PCMTD1: variants seen among roughly 807,000 people sequenced by gnomAD.
PCMTD1 encodes protein-L-isoaspartate O-methyltransferase domain-containing protein 1.
A neutral mutation model predicts 37.6 loss-of-function variants in PCMTD1; 12 were observed. The observed-to-expected ratio is 0.32, with a 90% confidence interval of 0.20 to 0.52. The LOEUF is 0.52. Among genes scored for constraint, PCMTD1 ranks in the 20% least tolerant of loss-of-function variants. The pLI is 0.97. For synonymous variants in PCMTD1, 117 were observed against 135.8 expected (o/e 0.86, Z 0.96); for missense variants, 235 against 421.3 (o/e 0.56, Z 3.87).
In PCMTD1 at chr8:51,831,427, T is replaced by A. The variant is rs2037996685; in HGVS notation, c.706+17A>T. 1 of 1,609,326 alleles carries A rather than the reference T, an allele frequency of 6.2e-7. No individual in the cohort carries two copies. On this transcript the variant is annotated intron_variant, in intron 5 of 5. Transcript: ENST00000522514. ...CATAAGTCATAATTCAATCAGAAAA[T>A]ATGAAGAGCTACTTACGGAGTCCCA...
chr8:51,854,965 G>A (rs1254631408), intron 2 of PCMTD1, among the ~76,000 whole-genome samples: 3 of 149,850 alleles, frequency 2.0e-5, no homozygotes, highest in Admixed American at 6.6e-5. Context: ...ACCCGAAGTC[G>A]GGAGTTCGAG....
At chr8:51,846,397 T>C (rs1188541170) in intron 2 of PCMTD1, among the ~76,000 whole-genome samples, 1 of 151,954 alleles carries the variant, frequency 6.6e-6, no homozygotes, top group African/African-American at 2.4e-5. Flanking sequence ...TAGAGGAGAG[T>C]TTTCCCAGCC....
At chr8:51,864,763 G>C (rs1276038467) in intron 1 of PCMTD1, among the ~76,000 whole-genome samples, 1 of 151,926 alleles carries the variant, frequency 6.6e-6, no homozygotes, top group Admixed American at 6.6e-5. Flanking sequence ...TCAAAAGAGA[G>C]TAAAGATTTC....
At chr8:51,861,726 ATT>A (rs879603489) in intron 1 of PCMTD1, among the ~76,000 whole-genome samples, 1 of 137,022 alleles carries the variant, frequency 7.3e-6, no homozygotes, top group African/African-American at 2.6e-5. Context: ...TTTTTTTTTA[ATT>A]TTTTTTTTTT....
chr8:51,851,535 T>C (rs1208837753), intron 2 of PCMTD1, among the ~76,000 whole-genome samples: 3 of 152,134 alleles, frequency 2.0e-5, no homozygotes, highest in Non-Finnish European at 2.9e-5. Flanking sequence ...ATGTGCGCAA[T>C]AGAATATTAA....
chr8:51,877,661 T>C (rs2038732144), intron 1 of PCMTD1, among the ~76,000 whole-genome samples: 8 of 152,206 alleles, frequency 5.3e-5, no homozygotes. Context: ...TTACTTTTCA[T>C]AGGCCAAACC....
chr8:51,821,740 G>GT (rs1162378729), intron 5 of PCMTD1, among the ~76,000 whole-genome samples: 6,326 of 147,042 alleles, frequency 0.043, 472 homozygotes, highest in African/African-American at 0.15. Context: ...TTCTGGTTTT[G>GT]TTTTTTTTTT....
In PCMTD1 at chr8:51,844,115, C is replaced by T. The variant is rs146472437; in HGVS notation, c.410+1546G>A. ...ACTGCATCTTAAGCACTTACCATGCCACTATAATCCTTAAGACAGAGAGAA... is the reference window on the plus strand; with the variant it reads ...ACTGCATCTTAAGCACTTACCATGCTACTATAATCCTTAAGACAGAGAGAA... On this transcript the variant is annotated intron_variant, in intron 3 of 5. Coordinates refer to ENST00000522514, the MANE Select transcript of PCMTD1 (RefSeq NM_052937.4). Among the ~76,000 whole-genome samples, 674 of 152,082 alleles carry T rather than the reference C, an allele frequency of 4.4e-3. 5 individuals carry two copies. Among genetic ancestry groups the T allele is most frequent in the Admixed American group, 0.012 (186 of 15,260 alleles).
intron 1 of PCMTD1, chr8:51,896,395 T>G (rs532517168): frequency 6.6e-6 from 1 of 152,338 alleles, no homozygotes; most frequent in African/African-American, 2.4e-5. Context: ...TAAGTAAATT[T>G]TAATCCTTTT....
chr8:51,862,661 G>T (rs1030687312), intron 1 of PCMTD1, among the ~76,000 whole-genome samples: 6 of 152,070 alleles, frequency 3.9e-5, no homozygotes, highest in African/African-American at 1.4e-4. Flanking sequence ...TACCAATTAG[G>T]GTCTCAAGTA....
At position 51,889,888 on chromosome 8, in the gene PCMTD1, GTGT is replaced by G. The variant is rs1280803950; in HGVS notation, c.-96+9039_-96+9041del. On this transcript the variant is annotated intron_variant, in intron 1 of 5. Transcript: ENST00000522514. ...TACGTGTGTGTGTGTGTGTGTGTGT[GTGT>G]GTACACACAAAAATATATATTAGTG... is the stretch of plus-strand genomic sequence containing the variant. 1.1e-4 allele frequency among the ~76,000 whole-genome samples: 17 copies of G among 149,072 alleles called. 1 individual carries two copies. The Admixed American group carries it at 1.1e-3, about 10-fold the overall frequency.
In PCMTD1 at chr8:51,844,059, A is replaced by G. The variant is rs370787930; in HGVS notation, c.410+1602T>C. ...AATTAAATAAAATGAACAAAATTCT[A>G]TAGTTCTAATTGTATAAAAATACAT... On this transcript the variant is annotated intron_variant, in intron 3 of 5. Coordinates refer to ENST00000522514, the MANE Select transcript of PCMTD1 (RefSeq NM_052937.4). 8.7e-4 allele frequency among the ~76,000 whole-genome samples: 132 copies of G among 152,320 alleles called. 1 individual carries two copies. Among genetic ancestry groups the G allele is most frequent in the South Asian group, 3.9e-3 (19 of 4,830 alleles).
chr8:51,865,024 C>T (rs2038530555), intron 1 of PCMTD1, among the ~76,000 whole-genome samples: 1 of 152,084 alleles, frequency 6.6e-6, no homozygotes. Context: ...GAAGATATCA[C>T]AGAAGTACAA....
intron 2 of PCMTD1, among the ~76,000 whole-genome samples, chr8:51,846,855 A>C (rs1346627562): frequency 6.6e-6 from 1 of 152,216 alleles, no homozygotes. Context: ...TTCAGATATA[A>C]TCTTAAACCC....
chr8:51,868,817 T>C (rs1425443879), intron 1 of PCMTD1, among the ~76,000 whole-genome samples: 2 of 152,226 alleles, frequency 1.3e-5, no homozygotes, highest in African/African-American at 4.8e-5. Flanking sequence ...TTGATGATAA[T>C]GTGCCTTTGC....
chr8:51,860,633 T>C (rs2038458112), intron 2 of PCMTD1: 1 of 472,634 alleles, frequency 2.1e-6, no homozygotes, highest in Non-Finnish European at 3.7e-6. Flanking sequence ...CAGAGAACAG[T>C]TAGTTTCCAG....
At chr8:51,849,819 A>G in intron 2 of PCMTD1, 3 of 489,572 alleles carry the variant, frequency 6.1e-6, no homozygotes, top group Non-Finnish European at 1.1e-5. Flanking sequence ...ATGCAATACC[A>G]ATATTTTTTA....
chr8:51,821,579 T>C (rs1175485680), intron 5 of PCMTD1, among the ~76,000 whole-genome samples: 2 of 152,194 alleles, frequency 1.3e-5, no homozygotes, highest in African/African-American at 2.4e-5. Flanking sequence ...GCAGACACAC[T>C]GGATGATTTA....
rs768002827 is a variant in PCMTD1 at position 51,878,238 on chromosome 8, A to ATT, written c.-95-16994_-95-16993dup. ...GTAAACTTTCTTAAAATATTATGAGATTTTTTTTTTGGTTTTTTTTTTTTT... is the reference window on the plus strand; with the variant it reads ...GTAAACTTTCTTAAAATATTATGAGATTTTTTTTTTTTGGTTTTTTTTTTTTT... On this transcript the variant is annotated intron_variant, in intron 1 of 5. Coordinates refer to ENST00000522514, the MANE Select transcript of PCMTD1 (RefSeq NM_052937.4). Among the ~76,000 whole-genome samples, 75 of 74,372 alleles carry ATT rather than the reference A, an allele frequency of 1.0e-3. 1 individual carries two copies. The highest frequency in any genetic ancestry group is 8.3e-3 in the South Asian group (15 of 1,798). The allele number at this position is 74,372 out of a possible 152,430, so 48.8% of individuals were successfully genotyped here.
Sources: allele counts gnomAD v4.1 joint callset (sites outside exome capture counted in the v4.1 genomes callset), GRCh38; gene constraint gnomAD v4.1.1; transcripts MANE v1.5; gene names NCBI Gene and HGNC (gene_info 2026-07-23, HGNC 2026-07-21).